The following CADM2 variants were observed in gnomAD, a reference collection of about 807,000 sequenced individuals.
The protein encoded by CADM2 is immunoglobulin superfamily member 4D.
In CADM2, 12 loss-of-function variants were observed where a neutral mutation model predicts 49.8. The ratio of observed to expected loss-of-function variants is 0.24; its 90% confidence interval spans 0.15 to 0.39. CADM2 has a LOEUF of 0.39. Among genes scored for constraint, CADM2 ranks in the 10% least tolerant of loss-of-function variants. The pLI is 1.00. For missense variants in CADM2, 378 were observed against 492.3 expected, an observed-to-expected ratio of 0.77 and a Z score of 2.20; for synonymous variants, 214 against 175.4, an observed-to-expected ratio of 1.22 and a Z score of -1.74.
At chr3:85,629,778 A>G (rs965611849) in intron 1 of CADM2, among the ~76,000 whole-genome samples, 11 of 152,016 alleles carry the variant, frequency 7.2e-5, no homozygotes, top group African/African-American at 2.7e-4. Flanking sequence ...ATGTATACAC[A>G]ATAGGCCCAC....
intron 3 of CADM2, among the ~76,000 whole-genome samples, chr3:85,806,918 C>A (rs1210461899): frequency 6.6e-6 from 1 of 152,016 alleles, no homozygotes; most frequent in Admixed American, 6.6e-5. Flanking sequence ...AACTTTTTTG[C>A]CATGTTTAAT....
intron 1 of CADM2, among the ~76,000 whole-genome samples, chr3:85,373,448 T>C (rs1336776387): frequency 6.6e-6 from 1 of 152,120 alleles, no homozygotes; most frequent in Non-Finnish European, 1.5e-5. Context: ...CTGGCTGCTT[T>C]CACAGGCTGA....
At chr3:85,988,510 G>T (rs1728387495) in intron 8 of CADM2, among the ~76,000 whole-genome samples, 1 of 152,022 alleles carries the variant, frequency 6.6e-6, no homozygotes, top group Admixed American at 6.6e-5. Context: ...AAACGACTAA[G>T]AAAAAGAATT....
chr3:85,958,150 A>G (rs1724290621), intron 7 of CADM2, among the ~76,000 whole-genome samples: 1 of 152,024 alleles, frequency 6.6e-6, no homozygotes, highest in African/African-American at 2.4e-5. Flanking sequence ...ATGAACAGGC[A>G]CTTCTCAAAA....
At chr3:85,937,739 T>C (rs1721351601) in intron 7 of CADM2, among the ~76,000 whole-genome samples, 1 of 151,968 alleles carries the variant, frequency 6.6e-6, no homozygotes, top group Non-Finnish European at 1.5e-5. Flanking sequence ...CTTTCTTCTA[T>C]ATTTATATTA....
At chr3:84,972,471 G>A (rs1338883926) in intron 1 of CADM2, among the ~76,000 whole-genome samples, 3 of 152,152 alleles carry the variant, frequency 2.0e-5, no homozygotes, top group Admixed American at 2.0e-4. Context: ...CTCTGTCAAT[G>A]AAGTTTATAA....
intron 1 of CADM2, among the ~76,000 whole-genome samples, chr3:84,995,063 G>C (rs1231076361): frequency 2.0e-5 from 3 of 151,956 alleles, no homozygotes; most frequent in Non-Finnish European, 4.4e-5. Flanking sequence ...GAATATGTAA[G>C]TGTTCATCCA....
At chr3:85,821,687 T>A (rs539266017) in intron 3 of CADM2, among the ~76,000 whole-genome samples, 16 of 152,254 alleles carry the variant, frequency 1.1e-4, no homozygotes, top group Admixed American at 1.0e-3. Context: ...GCAATGGTGA[T>A]CATGACAAAC....
At chr3:85,281,560 T>A (rs2043500314) in intron 1 of CADM2, among the ~76,000 whole-genome samples, 1 of 152,098 alleles carries the variant, frequency 6.6e-6, no homozygotes, top group African/African-American at 2.4e-5. Flanking sequence ...TTTAAACACA[T>A]TTTAAGCAAG....
At chr3:85,790,751 C>T (rs1043114206) in intron 2 of CADM2, among the ~76,000 whole-genome samples, 2 of 152,194 alleles carry the variant, frequency 1.3e-5, no homozygotes, top group Non-Finnish European at 2.9e-5. Flanking sequence ...AAAGCCCTTC[C>T]AACCTTTTCT....
chr3:84,966,628 G>A (rs1248860), intron 1 of CADM2, among the ~76,000 whole-genome samples: 84,427 of 151,760 alleles, frequency 0.56, 23,938 homozygotes, highest in African/African-American at 0.64. Context: ...ATAAGAACTT[G>A]TTACTACTTG....
chr3:85,969,541 T>C (rs1265630499), intron 8 of CADM2, among the ~76,000 whole-genome samples: 1 of 151,374 alleles, frequency 6.6e-6, no homozygotes, highest in Non-Finnish European at 1.5e-5. Flanking sequence ...CACATATCAC[T>C]TCAATTAAAT....
chr3:85,473,239 T>A (rs928038751), intron 1 of CADM2, among the ~76,000 whole-genome samples: 3 of 152,036 alleles, frequency 2.0e-5, no homozygotes, highest in African/African-American at 7.2e-5. Context: ...CTGAGCACAG[T>A]GAGAGATAAC....
At chr3:85,981,618 C>A (rs1372949631) in intron 8 of CADM2, among the ~76,000 whole-genome samples, 1 of 151,644 alleles carries the variant, frequency 6.6e-6, no homozygotes, top group African/African-American at 2.4e-5. Flanking sequence ...ATTTGGTTTT[C>A]TGTTCCACAT....
chr3:85,346,501 G>A (rs541966419), intron 1 of CADM2, among the ~76,000 whole-genome samples: 72 of 151,972 alleles, frequency 4.7e-4, no homozygotes, highest in Non-Finnish European at 8.7e-4. Flanking sequence ...GATGAAATTC[G>A]CTTGTATTTT....
chr3:85,289,567 C>CATAGTCTA (rs1324492005), intron 1 of CADM2, among the ~76,000 whole-genome samples: 2 of 152,152 alleles, frequency 1.3e-5, no homozygotes, highest in South Asian at 2.1e-4. Flanking sequence ...TAAATGAAGA[C>CATAGTCTA]ATAGTCTAAA....
intron 1 of CADM2, among the ~76,000 whole-genome samples, chr3:85,493,735 A>G (rs1486230998): frequency 1.3e-5 from 2 of 152,186 alleles, no homozygotes; most frequent in East Asian, 3.9e-4. Flanking sequence ...CATTGCCTTC[A>G]ATGCCTATTG....
chr3:85,780,906 A>G (rs958119098), intron 2 of CADM2, among the ~76,000 whole-genome samples: 2 of 152,060 alleles, frequency 1.3e-5, no homozygotes, highest in African/African-American at 4.8e-5. Context: ...AACAAACATA[A>G]AGCAAGAGGG....
At chr3:85,363,395 C>A (rs1231388206) in intron 1 of CADM2, among the ~76,000 whole-genome samples, 5 of 152,020 alleles carry the variant, frequency 3.3e-5, no homozygotes, top group Non-Finnish European at 7.4e-5. Flanking sequence ...GAAGAAAACA[C>A]CTGTGGATTG....
Sources: allele counts gnomAD v4.1 joint callset (sites outside exome capture counted in the v4.1 genomes callset), GRCh38; gene constraint gnomAD v4.1.1; transcripts MANE v1.5; gene names NCBI Gene and HGNC (gene_info 2026-07-23, HGNC 2026-07-21).